PPP4R1: variants seen among roughly 807,000 people sequenced by gnomAD.
PPP4R1 encodes the protein serine/threonine-protein phosphatase 4 regulatory subunit 1.
A neutral mutation model predicts 111.2 loss-of-function variants in PPP4R1; 42 were observed. The ratio of observed to expected loss-of-function variants is 0.38; its 90% CI spans 0.29 to 0.49. The LOEUF (loss-of-function observed/expected upper bound fraction) is 0.49, where lower values mean the gene tolerates loss of function less well. Among genes scored for constraint, PPP4R1 ranks in the 20% least tolerant of loss-of-function variants. The pLI is 0.97. For missense variants in PPP4R1, 1,012 were observed against 1,161.6 expected (o/e 0.87, Z 1.87); for synonymous variants, 409 against 405.5 (o/e 1.01, Z -0.10).
chr18:9,555,969 T>C (rs1404965602), intron 15 of PPP4R1, among the ~76,000 whole-genome samples: 1 of 142,778 alleles, frequency 7.0e-6, no homozygotes, highest in Non-Finnish European at 1.5e-5. Flanking sequence ...ACCCCATCTC[T>C]ACTAAAACAA....
At chr18:9,565,624 A>G (rs2066752337) in intron 11 of PPP4R1, among the ~76,000 whole-genome samples, 1 of 152,282 alleles carries the variant, frequency 6.6e-6, no homozygotes, top group African/African-American at 2.4e-5. Context: ...AGAAAGTTTG[A>G]GTGGTCTGGA....
intron 5 of PPP4R1, 42 bp downstream of exon 5, chr18:9,588,669 C>G: frequency 6.6e-7 from 1 of 1,524,518 alleles, no homozygotes; most frequent in Non-Finnish European, 8.9e-7. Flanking sequence ...ATATATTACA[C>G]TACGTAAATT....
At chr18:9,567,578 A>G (rs2066789478) in intron 11 of PPP4R1, among the ~76,000 whole-genome samples, 1 of 152,226 alleles carries the variant, frequency 6.6e-6, no homozygotes, top group Non-Finnish European at 1.5e-5. Context: ...GTTTCTCAAG[A>G]TGGAATCTCC....
At chr18:9,549,722 T>A (rs1435071235) in intron 18 of PPP4R1, 2 of 487,786 alleles carry the variant, frequency 4.1e-6, no homozygotes, top group African/African-American at 3.9e-5. Context: ...AACATGCATG[T>A]ATGTGCACTG....
chr18:9,575,669 CA>C (rs569764485), intron 10 of PPP4R1, among the ~76,000 whole-genome samples: 206 of 152,286 alleles, frequency 1.4e-3, no homozygotes, highest in African/African-American at 4.8e-3. Context: ...CGGTAGGCGG[CA>C]AACATGGCCT....
At chr18:9,556,677 C>T (rs975666517) in intron 15 of PPP4R1, among the ~76,000 whole-genome samples, 13 of 152,182 alleles carry the variant, frequency 8.5e-5, no homozygotes, top group African/African-American at 2.2e-4. Context: ...GAGGGCTAAA[C>T]GTAAATTCTC....
intron 11 of PPP4R1, among the ~76,000 whole-genome samples, chr18:9,565,749 C>T (rs1347502894): frequency 6.6e-6 from 1 of 152,196 alleles, no homozygotes; most frequent in Non-Finnish European, 1.5e-5. Context: ...AGAAGAAAAG[C>T]TGAAAGCTAG....
chr18:9,595,868 G>A (rs1401616082), intron 2 of PPP4R1, among the ~76,000 whole-genome samples: 2 of 152,192 alleles, frequency 1.3e-5, no homozygotes, highest in Non-Finnish European at 2.9e-5. Flanking sequence ...AGCAATGAGT[G>A]AAAGTATGAT....
At chr18:9,555,996 AC>A (rs1324909762) in intron 15 of PPP4R1, among the ~76,000 whole-genome samples, 1,249 of 82,830 alleles carry the variant, frequency 0.015, 11 homozygotes, top group East Asian at 0.041. Flanking sequence ...AAACAAACAA[AC>A]AAAAAAACAC....
At chr18:9,601,216 GGGGAAAAAAAAAAAAGCATATACTGGCC>G (rs2067377064) in intron 2 of PPP4R1, among the ~76,000 whole-genome samples, 1 of 132,910 alleles carries the variant, frequency 7.5e-6, no homozygotes, top group Non-Finnish European at 1.5e-5. Context: ...TTTTTTTTTT[GGGGAAAAAAAAAAAAGCATATACTGGCC>G]GGGAACGGTG....
intron 2 of PPP4R1, among the ~76,000 whole-genome samples, chr18:9,601,742 C>A (rs1272913152): frequency 6.6e-6 from 1 of 152,008 alleles, no homozygotes; most frequent in Non-Finnish European, 1.5e-5. Context: ...ATCCGCCCGC[C>A]CTGGCCTCCC....
At chr18:9,549,389 A>T in intron 18 of PPP4R1, 51 bp from the exon 19 acceptor site, 1 of 1,540,374 alleles carries the variant, frequency 6.5e-7, no homozygotes. Context: ...GTAGCCAAAA[A>T]CTCGACTACT....
chr18:9,584,594 C>A lies in PPP4R1; in HGVS notation c.694-14G>T, dbSNP rs2067084972. On this transcript the variant is annotated splice_polypyrimidine_tract_variant and intron_variant, in intron 7 of 19. Transcript: ENST00000400556. ...GGCAGCACAGACCTGACAACAAAAGCATCATTGACATTTCAAAATATTACA... is the reference window on the plus strand; with the variant it reads ...GGCAGCACAGACCTGACAACAAAAGAATCATTGACATTTCAAAATATTACA... The A allele has an allele frequency of 1.9e-6, 3 of 1,608,852 alleles. No homozygotes were observed. The highest frequency in any genetic ancestry group is 2.5e-6 in the Non-Finnish European group (3 of 1,178,184).
intron 16 of PPP4R1, 139 bp from the exon 17 acceptor site, chr18:9,550,537 A>ACCTCTCCTGTACAGTTACCTCCAG (rs1382395628): frequency 1.1e-6 from 1 of 932,472 alleles, no homozygotes; most frequent in African/African-American, 1.7e-5. Flanking sequence ...GATTAAGCAG[A>ACCTCTCCTGTACAGTTACCTCCAG]CCTCTCCTGT....
chr18:9,614,459 A>C lies in PPP4R1; in HGVS notation c.7+19T>G. On this transcript the variant is annotated intron_variant, in intron 1 of 19. Coordinates refer to ENST00000400556, the MANE Select transcript of PPP4R1 (RefSeq NM_001042388.3). This position sits in a 1 kb window ranked among gnomAD's most constrained non-coding sequence, Gnocchi z 4.1. Reference sequence around the variant, plus strand: ...GGCTCGAGGAGCCGCCGCCGCCCGGAGAACAGGGGGCCACGTACCCGCCAT... The same window carrying C: ...GGCTCGAGGAGCCGCCGCCGCCCGGCGAACAGGGGGCCACGTACCCGCCAT... The C allele has an allele frequency of 9.7e-7, 1 of 1,026,448 alleles. No homozygotes were observed. Among genetic ancestry groups the C allele is most frequent in the Non-Finnish European group, 1.2e-6 (1 of 858,126 alleles). The allele number at this position is 1,026,448 out of a possible 1,614,324, so 63.6% of individuals were successfully genotyped here.
In PPP4R1 at chr18:9,557,320, T is replaced by C. The variant is rs750712027; in HGVS notation, c.2091A>G (p.Gln697=). Residue 697 remains glutamine (Q), a synonymous_variant, in exon 15 of 20, where the codon CAA becomes CAG. Coordinates refer to ENST00000400556, the MANE Select transcript of PPP4R1 (RefSeq NM_001042388.3). ...IHELAVILGD[Q]LTAADLVPIF... is the part of the protein sequence containing the mutation. ...TTGGAACCAGATCTGCAGCTGTCAATTGATCTCCAAGAATAACTGCAAGCT... is the reference window on the plus strand; with the variant it reads ...TTGGAACCAGATCTGCAGCTGTCAACTGATCTCCAAGAATAACTGCAAGCT... 9.9e-6 allele frequency: 16 copies of C among 1,612,732 alleles called. No homozygotes were observed. Among genetic ancestry groups the C allele is most frequent in the East Asian group, 2.2e-5 (1 of 44,836 alleles).
chr18:9,608,256 G>C (rs961164441), intron 2 of PPP4R1, among the ~76,000 whole-genome samples: 1 of 152,176 alleles, frequency 6.6e-6, no homozygotes, highest in Non-Finnish European at 1.5e-5. Context: ...GTAGAAAGCT[G>C]AGAAAAAGTT....
upstream of PPP4R1, among the ~76,000 whole-genome samples, chr18:9,615,592 G>T (rs1167377043): frequency 1.3e-5 from 2 of 152,126 alleles, no homozygotes; most frequent in Non-Finnish European, 2.9e-5. Flanking sequence ...ACAAAATGGG[G>T]CTAAACCCAG....
intron 2 of PPP4R1, among the ~76,000 whole-genome samples, chr18:9,602,470 C>T (rs967845187): frequency 1.9e-4 from 29 of 149,826 alleles, no homozygotes; most frequent in African/African-American, 6.4e-4. Flanking sequence ...GGCATGAACC[C>T]GGGAGGCGGA....
Sources: gnomAD v4.1 joint callset for allele counts (sites outside exome capture counted in the v4.1 genomes callset) on GRCh38, gnomAD v4.1.1 for gene constraint, Gnocchi (gnomAD v3.1) non-coding constraint, MANE v1.5 for transcripts, NCBI Gene and HGNC (gene_info 2026-07-23, HGNC 2026-07-21) for gene names.